The following COMMD8 variants were observed in gnomAD, a reference collection of about 807,000 sequenced individuals.
COMMD8 encodes the protein COMM domain containing 8.
A neutral mutation model predicts 27.2 loss-of-function variants in COMMD8; 28 were observed. The ratio of observed to expected loss-of-function variants is 1.03; its 90% CI spans 0.76 to 1.41. COMMD8 has a LOEUF of 1.41. Ranked by LOEUF, COMMD8 falls within the 40% of genes most tolerant of loss-of-function variation. The pLI is 0.00. For synonymous variants in COMMD8, 79 were observed against 75.5 expected (o/e 1.05, Z -0.24); for missense variants, 217 against 211.2 (o/e 1.03, Z -0.17).
At chr4:47,455,543 T>C (rs1467572496) in intron 3 of COMMD8, among the ~76,000 whole-genome samples, 1 of 152,194 alleles carries the variant, frequency 6.6e-6, no homozygotes, top group Non-Finnish European at 1.5e-5. Flanking sequence ...ATAAGCATAA[T>C]ATTCATAAAA....
intron 3 of COMMD8, among the ~76,000 whole-genome samples, chr4:47,455,888 T>C (rs537949060): frequency 1.3e-5 from 2 of 152,272 alleles, no homozygotes; most frequent in Non-Finnish European, 2.9e-5. Flanking sequence ...TAGATTTTCC[T>C]CCTAGAGGTA....
At position 47,451,629 on chromosome 4, in the gene COMMD8, T is replaced by C; in HGVS notation, c.*16A>G. 3.2e-6 allele frequency: 5 copies of C among 1,582,156 alleles called. No homozygotes were observed. The highest frequency in any genetic ancestry group is 1.1e-5 in the South Asian group (1 of 88,058). On this transcript the variant is annotated 3_prime_UTR_variant, in exon 5 of 5. Coordinates refer to ENST00000381571, the MANE Select transcript of COMMD8 (RefSeq NM_017845.5). ...GAGCAATAAAATCTGATAGGACTGG[T>C]ATTCATCATTTCCAGTTATTTCAAC...
intron 1 of COMMD8, among the ~76,000 whole-genome samples, chr4:47,461,088 A>G (rs1224906372): frequency 6.6e-6 from 1 of 152,204 alleles, no homozygotes; most frequent in Non-Finnish European, 1.5e-5. Context: ...TGGAATAAGA[A>G]TACGTGCAAA....
intron 1 of COMMD8, among the ~76,000 whole-genome samples, chr4:47,461,303 G>A (rs1462727999): frequency 4.6e-5 from 7 of 152,174 alleles, no homozygotes; most frequent in Admixed American, 4.6e-4. Context: ...TACAAGAGGA[G>A]TATTTGAACC....
intron 1 of COMMD8, 99 bp downstream of exon 1, chr4:47,463,487 G>A (rs1730121513): frequency 1.8e-6 from 2 of 1,131,578 alleles, no homozygotes; most frequent in Non-Finnish European, 2.5e-6. Flanking sequence ...CTTCCCTAGG[G>A]AGCTTGCGAA....
chr4:47,456,037 G>C (rs988958902), intron 3 of COMMD8, among the ~76,000 whole-genome samples: 3 of 151,804 alleles, frequency 2.0e-5, no homozygotes, highest in African/African-American at 4.8e-5. Context: ...CTTGAGGCCA[G>C]GATTTGAGAC....
intron 2 of COMMD8, among the ~76,000 whole-genome samples, chr4:47,457,824 A>C (rs1336969221): frequency 6.6e-6 from 1 of 150,866 alleles, no homozygotes; most frequent in Non-Finnish European, 1.5e-5. Context: ...CCTTGACAAT[A>C]GTATTATAGG....
chr4:47,457,982 C>A (rs957624013), intron 2 of COMMD8, among the ~76,000 whole-genome samples: 1 of 151,722 alleles, frequency 6.6e-6, no homozygotes, highest in Non-Finnish European at 1.5e-5. Context: ...TTTGGCAGTG[C>A]AGCCTTAGTT....
At chr4:47,454,112 T>C (rs1729826742) in intron 3 of COMMD8, among the ~76,000 whole-genome samples, 1 of 152,188 alleles carries the variant, frequency 6.6e-6, no homozygotes, top group Non-Finnish European at 1.5e-5. Context: ...TCCTCCTCAA[T>C]ATTTCCAATA....
chr4:47,461,824 C>T (rs1206182427), intron 1 of COMMD8, among the ~76,000 whole-genome samples: 2 of 152,116 alleles, frequency 1.3e-5, no homozygotes. Flanking sequence ...ATAAATAAGG[C>T]CCTACCATAA....
intron 3 of COMMD8, among the ~76,000 whole-genome samples, chr4:47,456,289 T>C (rs1578173471): frequency 6.9e-6 from 1 of 145,040 alleles, no homozygotes; most frequent in Non-Finnish European, 1.5e-5. Context: ...TATATATATA[T>C]ATATATATAT....
intron 1 of COMMD8, among the ~76,000 whole-genome samples, chr4:47,463,159 C>T (rs1730105383): frequency 9.6e-6 from 1 of 104,534 alleles, no homozygotes; most frequent in Admixed American, 1.1e-4. Flanking sequence ...ATTTCTCTTC[C>T]TACCAACCAC....
At chr4:47,462,010 C>G (rs1309567909) in intron 1 of COMMD8, among the ~76,000 whole-genome samples, 1 of 152,018 alleles carries the variant, frequency 6.6e-6, no homozygotes, top group Non-Finnish European at 1.5e-5. Flanking sequence ...AAGTGCATTT[C>G]TAGACACAAG....
Position 47,455,068 on chromosome 4 carries a change from T to A in COMMD8, c.375+1509A>T, listed in dbSNP as rs1482411967. 2.0e-5 allele frequency among the ~76,000 whole-genome samples: 3 copies of A among 152,000 alleles called. No homozygotes were observed. In the East Asian group the frequency reaches 5.8e-4, roughly 30 times the overall value. Reference sequence around the variant, plus strand: ...CTCTGGTGCCCAGGCTGGAGTGAAGTGGCACGATGATCTTGGTTCACTGCA... The same window carrying A: ...CTCTGGTGCCCAGGCTGGAGTGAAGAGGCACGATGATCTTGGTTCACTGCA... On this transcript the variant is annotated intron_variant, in intron 3 of 4. Coordinates refer to ENST00000381571, the MANE Select transcript of COMMD8 (RefSeq NM_017845.5).
intron 3 of COMMD8, among the ~76,000 whole-genome samples, chr4:47,453,451 T>G (rs1383452198): frequency 6.6e-6 from 1 of 152,148 alleles, no homozygotes; most frequent in Non-Finnish European, 1.5e-5. Context: ...TCAGCAATCT[T>G]GTGGCAGAAG....
rs1429658529 is a variant in COMMD8, at chr4:47,451,305, C to T, written c.*340G>A. 3.9e-6 allele frequency: 1 copy of T among 257,322 alleles called. No homozygotes were observed. The highest frequency in any genetic ancestry group is 7.4e-6 in the Non-Finnish European group (1 of 134,586). 15.9% of individuals were successfully genotyped at this position (257,322 alleles called of 1,614,324 possible). On this transcript the variant is annotated 3_prime_UTR_variant, in exon 5 of 5. Coordinates refer to ENST00000381571, the MANE Select transcript of COMMD8 (RefSeq NM_017845.5). ...TAAGCAATATTCAAGTATATTTGTG[C>T]TTTATATTTTTACATTACTTTAGAA...
intron 4 of COMMD8, 49 bp downstream of exon 4, chr4:47,453,010 C>T: frequency 6.6e-7 from 1 of 1,508,884 alleles, no homozygotes; most frequent in Non-Finnish European, 8.9e-7. Context: ...CAAAAAAAAA[C>T]CCCAAAACCT....
At chr4:47,453,570 G>T (rs1294727445) in intron 3 of COMMD8, among the ~76,000 whole-genome samples, 1 of 152,162 alleles carries the variant, frequency 6.6e-6, no homozygotes, top group African/African-American at 2.4e-5. Flanking sequence ...GAAAGTTCAT[G>T]TACAAAGATA....
intron 2 of COMMD8, among the ~76,000 whole-genome samples, chr4:47,457,897 A>T (rs1380322707): frequency 1.3e-5 from 2 of 151,774 alleles, no homozygotes; most frequent in East Asian, 3.8e-4. Flanking sequence ...TAAAAATCCT[A>T]AACAAAATAT....
Sources: gnomAD v4.1 joint callset for allele counts (sites outside exome capture counted in the v4.1 genomes callset) on GRCh38, gnomAD v4.1.1 for gene constraint, MANE v1.5 for transcripts, NCBI Gene and HGNC (gene_info 2026-07-23, HGNC 2026-07-21) for gene names.